The following CAPS2 variants were observed in gnomAD, a reference collection of about 807,000 sequenced individuals.
CAPS2 encodes calcyphosine 2, also known as calcyphosin-2.
Under a neutral mutation model 86.5 loss-of-function variants are expected in CAPS2, and 98 were observed. The ratio of observed to expected loss-of-function variants is 1.13; its 90% CI spans 0.96 to 1.34. The LOEUF (loss-of-function observed/expected upper bound fraction) is 1.34. Ranked by LOEUF, CAPS2 falls within the 40% of genes most tolerant of loss-of-function variation. The probability of loss-of-function intolerance (pLI) is 0.00; values close to 1 mark genes in which losing one functional copy is unlikely to be tolerated. For synonymous variants in CAPS2, 210 were observed against 225.1 expected (o/e 0.93, Z 0.60); for missense variants, 729 against 686.8 (o/e 1.06, Z -0.69).
intron 8 of CAPS2, among the ~76,000 whole-genome samples, chr12:75,300,955 A>G (rs1426767314): frequency 6.6e-6 from 1 of 152,210 alleles, no homozygotes; most frequent in East Asian, 1.9e-4. Context: ...TACCAGAATA[A>G]CTAAAGAGTG....
intron 2 of CAPS2, 112 bp from the exon 4 acceptor site, chr12:75,323,334 T>C (rs2040475591): frequency 2.8e-6 from 2 of 725,462 alleles, no homozygotes; most frequent in Non-Finnish European, 4.4e-6. Context: ...AATAGTGCCA[T>C]GGCTTCTACT....
intron 1 of CAPS2, among the ~76,000 whole-genome samples, chr12:75,367,544 CA>C (rs1368147479): frequency 1.3e-5 from 2 of 151,710 alleles, no homozygotes; most frequent in African/African-American, 4.8e-5. Flanking sequence ...TCTTGCACAT[CA>C]AATTATATTC....
At chr12:75,295,186 A>C (rs2036676654) in intron 11 of CAPS2, 1 of 152,244 alleles carries the variant, frequency 6.6e-6, no homozygotes, top group African/African-American at 2.4e-5. Context: ...GAAAACTGAA[A>C]AAAGATTTCT....
At chr12:75,323,859 T>A (rs1415727786) in intron 2 of CAPS2, among the ~76,000 whole-genome samples, 1 of 152,256 alleles carries the variant, frequency 6.6e-6, no homozygotes, top group Non-Finnish European at 1.5e-5. Flanking sequence ...TTATCCCGTC[T>A]CTATGGTAGT....
intron 6 of CAPS2, among the ~76,000 whole-genome samples, chr12:75,314,423 C>T (rs2039545531): frequency 6.6e-6 from 1 of 151,990 alleles, no homozygotes; most frequent in South Asian, 2.1e-4. Flanking sequence ...TTAGCCTACA[C>T]TGAATCTAGT....
intron 7 of CAPS2, among the ~76,000 whole-genome samples, chr12:75,305,249 A>G (rs1033068316): frequency 4.6e-5 from 7 of 152,244 alleles, no homozygotes; most frequent in African/African-American, 1.7e-4. Flanking sequence ...ACAGAAATTC[A>G]ATGAACAAAC....
At chr12:75,385,798 C>T (rs937357982) in intron 1 of CAPS2, among the ~76,000 whole-genome samples, 1 of 152,094 alleles carries the variant, frequency 6.6e-6, no homozygotes, top group African/African-American at 2.4e-5. Flanking sequence ...AAATTGCTTT[C>T]CTATATACTA....
intron 1 of CAPS2, among the ~76,000 whole-genome samples, chr12:75,353,920 G>A (rs1029346807): frequency 1.3e-5 from 2 of 151,960 alleles, no homozygotes; most frequent in African/African-American, 4.8e-5. Context: ...ATGCCAAAAG[G>A]CCTTCAATAA....
chr12:75,316,137 T>G (rs1301053859), intron 6 of CAPS2, 175 bp downstream of exon 6: 5 of 855,432 alleles, frequency 5.8e-6, no homozygotes, highest in Non-Finnish European at 8.6e-6. Flanking sequence ...TTACAGAATA[T>G]ATACCAAATA....
In CAPS2 at chr12:75,278,937, C is replaced by G. The variant is rs755061416; in HGVS notation, c.1741G>C (p.Asp581His). The change falls in exon 17 of 17, where the codon GAT (aspartate) becomes CAT (histidine). Residue 581 changes from aspartate (D) to histidine (H), a missense_variant. Asp to His is a moderately conservative substitution (Grantham distance 81, BLOSUM62 -1). Coordinates refer to ENST00000393284, the Ensembl canonical transcript of CAPS2. Reference sequence around the variant, plus strand: ...AAGATGTTAACAAAGTCTTCATCATCTACTATTCCTATACTTAAACCTTCA... The same window carrying G: ...AAGATGTTAACAAAGTCTTCATCATGTACTATTCCTATACTTAAACCTTCA... 1.7e-5 allele frequency: 28 copies of G among 1,604,908 alleles called. No homozygotes were observed. In the African/African-American group the frequency reaches 3.4e-4, roughly 19 times the overall value.
upstream of CAPS2, chr12:75,334,884 G>A (rs1420528835): frequency 6.2e-7 from 1 of 1,613,904 alleles, no homozygotes. Context: ...ACCCTCCCGC[G>A]GCCGACATGA....
At chr12:75,348,704 G>A (rs951447870) in intron 1 of CAPS2, among the ~76,000 whole-genome samples, 19 of 152,032 alleles carry the variant, frequency 1.2e-4, no homozygotes, top group Non-Finnish European at 7.4e-5. Context: ...ATTTCTTATG[G>A]GTCTTGTGAA....
intron 1 of CAPS2, among the ~76,000 whole-genome samples, chr12:75,342,473 C>T (rs899410354): frequency 6.6e-6 from 1 of 152,024 alleles, no homozygotes; most frequent in African/African-American, 2.4e-5. Flanking sequence ...TAAAAATAAC[C>T]TTGGCAATTA....
rs143840706 is a variant in CAPS2 at position 75,306,157 on chromosome 12, C to T, written c.660-1281G>A. ...GAAGCTCATCACCGAGGAGTTCGTC[C>T]AGCAGAATTACCTGAAGTACCGGCC... On this transcript the variant is annotated intron_variant, in intron 7 of 16. Coordinates refer to ENST00000393284, the Ensembl canonical transcript of CAPS2. The T allele has an allele frequency of 1.8e-3, 1,793 of 995,134 alleles. 5 individuals are homozygous for T. Among genetic ancestry groups the T allele is most frequent in the Non-Finnish European group, 2.3e-3 (1,461 of 638,656 alleles). 61.6% of individuals were successfully genotyped at this position (995,134 alleles called of 1,614,324 possible). A position where few individuals can be genotyped will look rare whatever the true frequency, so the allele number is the denominator to read the frequency against.
chr12:75,284,897 T>C, intron 15 of CAPS2, 64 bp downstream of exon 15: 1 of 1,416,166 alleles, frequency 7.1e-7, no homozygotes, highest in Non-Finnish European at 9.5e-7. Context: ...CATTAAAGTT[T>C]TAAAATACTG....
intron 1 of CAPS2, among the ~76,000 whole-genome samples, chr12:75,378,726 T>G (rs1196326823): frequency 6.6e-6 from 1 of 152,214 alleles, no homozygotes; most frequent in East Asian, 1.9e-4. Flanking sequence ...TGAAGTCAAC[T>G]GATTATAAAT....
chr12:75,377,042 T>G (rs1242964284), intron 1 of CAPS2, among the ~76,000 whole-genome samples: 2 of 152,188 alleles, frequency 1.3e-5, no homozygotes, highest in Non-Finnish European at 2.9e-5. Flanking sequence ...ACGTATACAG[T>G]CACTAAACTC....
At chr12:75,356,886 ATCAG>A (rs906366409) in intron 1 of CAPS2, among the ~76,000 whole-genome samples, 30 of 152,312 alleles carry the variant, frequency 2.0e-4, no homozygotes, top group African/African-American at 7.2e-4. Context: ...CCATGCTAAC[ATCAG>A]TCAAAGAAGG....
exon 8 of CAPS2, chr12:75,304,835 T>C: frequency 6.2e-7 from 1 of 1,612,388 alleles, no homozygotes; most frequent in Non-Finnish European, 8.5e-7. Context: ...ACTTTCTTTT[T>C]GCTCAATGGC....
Sources: allele counts gnomAD v4.1 joint callset (sites outside exome capture counted in the v4.1 genomes callset), GRCh38; gene constraint gnomAD v4.1.1; transcripts MANE v1.5; gene names NCBI Gene and HGNC (gene_info 2026-07-23, HGNC 2026-07-21).